Variants in CFAP96 observed in about 807,000 individuals in gnomAD.
CFAP96 encodes the protein cilia-and flagella-associated protein 96.
the CFAP96 span, among the ~76,000 whole-genome samples, chr4:185,446,150 A>T: frequency 5.3e-5 from 8 of 152,182 alleles, no homozygotes; most frequent in African/African-American, 1.7e-4. Context: ...ACAAAGGTGT[A>T]TTTCTGATTG....
chr4:185,444,829 T>C, the CFAP96 span: 1 of 715,520 alleles, frequency 1.4e-6, no homozygotes, highest in South Asian at 2.1e-5. Context: ...CTTTTGGTGG[T>C]ATTTGAATTA....
the CFAP96 span, chr4:185,415,974 T>G: frequency 2.2e-6 from 2 of 919,462 alleles, no homozygotes; most frequent in Non-Finnish European, 3.1e-6. Context: ...GAAAAAAATT[T>G]AAGACTAGCC....
chr4:185,433,877 G>A, the CFAP96 span, among the ~76,000 whole-genome samples: 2 of 151,982 alleles, frequency 1.3e-5, no homozygotes, highest in Admixed American at 6.6e-5. Flanking sequence ...ACTCCAGCCT[G>A]GGCGACAGAG....
chr4:185,447,719 T>C, the CFAP96 span, among the ~76,000 whole-genome samples: 1 of 152,174 alleles, frequency 6.6e-6, no homozygotes, highest in South Asian at 2.1e-4. Context: ...TAATATAGTA[T>C]CACTGCAATT....
the CFAP96 span, among the ~76,000 whole-genome samples, chr4:185,426,703 A>T: frequency 6.6e-6 from 1 of 152,174 alleles, no homozygotes; most frequent in Non-Finnish European, 1.5e-5. Context: ...TAAATAAGTG[A>T]ATGAATAATT....
At chr4:185,436,788 A>C in the CFAP96 span, among the ~76,000 whole-genome samples, 1 of 151,530 alleles carries the variant, frequency 6.6e-6, no homozygotes, top group Non-Finnish European at 1.5e-5. Flanking sequence ...TATTTGTATC[A>C]CTGGGGCAGT....
At chr4:185,415,215 A>AT in the CFAP96 span, 16 of 1,606,924 alleles carry the variant, frequency 1.0e-5, no homozygotes, top group Admixed American at 8.7e-5. Flanking sequence ...TTGTTACAAG[A>AT]TTTTTTTTCC....
chr4:185,417,997 T>G, the CFAP96 span, among the ~76,000 whole-genome samples: 1 of 146,460 alleles, frequency 6.8e-6, no homozygotes, highest in East Asian at 2.0e-4. Context: ...TGAGCCGAGA[T>G]CGTGCCACTG....
the CFAP96 span, among the ~76,000 whole-genome samples, chr4:185,436,895 A>G: frequency 6.6e-6 from 1 of 152,046 alleles, no homozygotes; most frequent in Non-Finnish European, 1.5e-5. Context: ...GATGAATTTT[A>G]TCTCTTGCTA....
chr4:185,441,485 T>G, the CFAP96 span, among the ~76,000 whole-genome samples: 8 of 151,990 alleles, frequency 5.3e-5, no homozygotes, highest in Non-Finnish European at 8.8e-5. Context: ...TGATGTTTTG[T>G]GCTGTTCAGG....
At chr4:185,418,071 C>T in the CFAP96 span, among the ~76,000 whole-genome samples, 2 of 151,700 alleles carry the variant, frequency 1.3e-5, no homozygotes, top group Non-Finnish European at 2.9e-5. Flanking sequence ...CACACACAAA[C>T]AACAGAACCA....
At chr4:185,419,933 A>G in the CFAP96 span, among the ~76,000 whole-genome samples, 1 of 152,214 alleles carries the variant, frequency 6.6e-6, no homozygotes, top group East Asian at 1.9e-4. Context: ...GATCACCTAG[A>G]ATAGAATTTC....
chr4:185,417,721 G>A, the CFAP96 span, among the ~76,000 whole-genome samples: 4 of 152,056 alleles, frequency 2.6e-5, no homozygotes, highest in East Asian at 1.9e-4. Flanking sequence ...TGTGGCACAT[G>A]GCAGGTACTC....
chr4:185,425,938 T>A, the CFAP96 span: 1 of 1,553,930 alleles, frequency 6.4e-7, no homozygotes, highest in African/African-American at 1.4e-5. Flanking sequence ...CCTGAAGTGG[T>A]GTCACCGCAC....
chr4:185,440,544 C>T, the CFAP96 span: 11 of 1,498,810 alleles, frequency 7.3e-6, no homozygotes, highest in African/African-American at 2.9e-5. Context: ...TCACAGAAAG[C>T]GAATGAAGAG....
At chr4:185,440,648 C>A in the CFAP96 span, 1 of 1,513,196 alleles carries the variant, frequency 6.6e-7, no homozygotes, top group East Asian at 2.5e-5. Flanking sequence ...GGAATCTTTA[C>A]CACCAATTAA....
At chr4:185,425,367 G>C in the CFAP96 span, among the ~76,000 whole-genome samples, 2 of 152,078 alleles carry the variant, frequency 1.3e-5, no homozygotes, top group African/African-American at 4.8e-5. Context: ...TGGGTCTGGA[G>C]CTCAGAAGAA....
chr4:185,420,161 C>CT, the CFAP96 span, among the ~76,000 whole-genome samples: 1 of 126,446 alleles, frequency 7.9e-6, no homozygotes, highest in South Asian at 2.9e-4. Flanking sequence ...AATCAAAGCT[C>CT]TGTGTTCTAA....
chr4:185,436,367 A>G, the CFAP96 span: 2 of 1,528,702 alleles, frequency 1.3e-6, no homozygotes, highest in Non-Finnish European at 8.9e-7. Flanking sequence ...AAGGTAAAAA[A>G]TCTGTTTTGA....
Sources: allele counts gnomAD v4.1 joint callset (sites outside exome capture counted in the v4.1 genomes callset), GRCh38; gene constraint gnomAD v4.1.1; transcripts MANE v1.5; gene names NCBI Gene and HGNC (gene_info 2026-07-23, HGNC 2026-07-21).